The following CLASP1 variants were observed in gnomAD, a reference collection of about 807,000 sequenced individuals.
The protein encoded by CLASP1 is CLIP-associating protein 1.
Under a neutral mutation model 192.3 loss-of-function variants are expected in CLASP1, and 38 were observed. The ratio of observed to expected loss-of-function variants is 0.20; its 90% confidence interval spans 0.15 to 0.26. The LOEUF is 0.26. Among genes scored for constraint, CLASP1 ranks in the 10% least tolerant of loss-of-function variants. CLASP1 has a pLI of 1.00. For synonymous variants in CLASP1, 691 were observed against 712.8 expected (o/e 0.97, Z 0.49); for missense variants, 1,433 against 1,932.5 (o/e 0.74, Z 4.85).
At chr2:121,617,373 C>G (rs2066639634) in intron 1 of CLASP1, among the ~76,000 whole-genome samples, 1 of 152,182 alleles carries the variant, frequency 6.6e-6, no homozygotes, top group African/African-American at 2.4e-5. Flanking sequence ...AATCACTCAT[C>G]TTACAAAGGC....
At chr2:121,507,742 G>A (rs895590455) in intron 7 of CLASP1, among the ~76,000 whole-genome samples, 4 of 152,096 alleles carry the variant, frequency 2.6e-5, no homozygotes, top group Non-Finnish European at 5.9e-5. Flanking sequence ...TGTCACAAGA[G>A]AAGACAAAGA....
At chr2:121,407,033 T>A (rs2077019866) in intron 25 of CLASP1, among the ~76,000 whole-genome samples, 1 of 152,110 alleles carries the variant, frequency 6.6e-6, no homozygotes, top group Non-Finnish European at 1.5e-5. Flanking sequence ...TTGGCCAATA[T>A]GGTGAAACCC....
In CLASP1 at chr2:121,568,475, A is replaced by G. The variant is rs143121468; in HGVS notation, c.195+37226T>C. ...ACGAGCAAAAGAACAAATGAAACAA[A>G]CATTTCTTTAATAACCATAACCCAA... On this transcript the variant is annotated intron_variant, in intron 2 of 39. Transcript: ENST00000263710. Among the ~76,000 whole-genome samples the G allele has an allele frequency of 1.5e-3, 229 of 151,878 alleles. 1 individual carries two copies. Among genetic ancestry groups the G allele is most frequent in the Admixed American group, 0.014 (207 of 15,222 alleles).
chr2:121,605,898 T>C lies in CLASP1; in HGVS notation c.-3A>G, dbSNP rs746106700. Reference sequence around the variant, plus strand: ...CAGGACTCCATGCGAGGCTCCATAGTGGAATTCAAATCCAGATCCAGCAAA... The same window carrying C: ...CAGGACTCCATGCGAGGCTCCATAGCGGAATTCAAATCCAGATCCAGCAAA... On this transcript the variant is annotated 5_prime_UTR_variant, in exon 2 of 40. Coordinates refer to ENST00000263710, the Ensembl canonical transcript of CLASP1. 3.7e-5 allele frequency: 59 copies of C among 1,613,092 alleles called. No homozygotes were observed. The Middle Eastern group carries it at 6.6e-4, about 18-fold the overall frequency.
chr2:121,584,404 C>G (rs2061507928), intron 2 of CLASP1, among the ~76,000 whole-genome samples: 1 of 152,124 alleles, frequency 6.6e-6, no homozygotes, highest in South Asian at 2.1e-4. Context: ...CTTAAACAGT[C>G]AAATAGCTGC....
intron 9 of CLASP1, 27 bp from the exon 10 acceptor site, chr2:121,462,632 A>C (rs1217641219): frequency 2.3e-6 from 3 of 1,326,164 alleles, no homozygotes; most frequent in East Asian, 4.7e-5. Flanking sequence ...TAAAAATGTA[A>C]ACAATATGAA....
chr2:121,506,002 AG>A (rs1329941848), intron 7 of CLASP1, among the ~76,000 whole-genome samples: 4 of 152,218 alleles, frequency 2.6e-5, no homozygotes, highest in Admixed American at 1.3e-4. Context: ...CCAAACTTGG[AG>A]GACAGAAGAG....
At chr2:121,497,674 A>T (rs1212663595) in intron 8 of CLASP1, among the ~76,000 whole-genome samples, 1 of 152,150 alleles carries the variant, frequency 6.6e-6, no homozygotes, top group East Asian at 1.9e-4. Context: ...GTGCAGCCCA[A>T]AAAGCAGGAA....
chr2:121,599,916 CAA>C (rs749861641), intron 2 of CLASP1, among the ~76,000 whole-genome samples: 5,971 of 78,302 alleles, frequency 0.076, 94 homozygotes, highest in East Asian at 0.2. Flanking sequence ...GAGACTCTGT[CAA>C]AAAAAAAAAA....
At chr2:121,624,107 T>A (rs1275117842) in intron 1 of CLASP1, among the ~76,000 whole-genome samples, 1 of 152,172 alleles carries the variant, frequency 6.6e-6, no homozygotes, top group Admixed American at 6.5e-5. Flanking sequence ...GGTTTGATTT[T>A]CCCTACTTTT....
intron 2 of CLASP1, among the ~76,000 whole-genome samples, chr2:121,581,487 G>C (rs1403974541): frequency 1.3e-5 from 2 of 151,538 alleles, no homozygotes; most frequent in African/African-American, 4.9e-5. Context: ...TGTTAGCCAG[G>C]ATGGTCTCGA....
intron 2 of CLASP1, among the ~76,000 whole-genome samples, chr2:121,601,272 ATT>A (rs1049615967): frequency 2.7e-4 from 38 of 138,360 alleles, no homozygotes; most frequent in East Asian, 1.9e-3. Flanking sequence ...AGCGTTCAGC[ATT>A]TTTTTTTTTT....
chr2:121,453,685 G>C (rs1188379727), intron 14 of CLASP1, among the ~76,000 whole-genome samples: 1 of 152,134 alleles, frequency 6.6e-6, no homozygotes, highest in Admixed American at 6.5e-5. Context: ...CTTTCAAAAT[G>C]TAGCTCATTT....
chr2:121,457,063 T>C (rs181834624), intron 14 of CLASP1, among the ~76,000 whole-genome samples: 53 of 152,320 alleles, frequency 3.5e-4, no homozygotes, highest in Non-Finnish European at 6.0e-4. Flanking sequence ...CAGTCTTTAT[T>C]CCTCACACGT....
intron 25 of CLASP1, among the ~76,000 whole-genome samples, chr2:121,405,925 C>A (rs2076849928): frequency 1.3e-5 from 2 of 152,188 alleles, no homozygotes; most frequent in African/African-American, 4.8e-5. Flanking sequence ...AGCTGAGCAA[C>A]TCATCAGGCA....
At chr2:121,545,635 A>G (rs573172796) in intron 2 of CLASP1, among the ~76,000 whole-genome samples, 1 of 152,326 alleles carries the variant, frequency 6.6e-6, no homozygotes, top group South Asian at 2.1e-4. Flanking sequence ...CATTTCCTGC[A>G]GATGAAGTCA....
At chr2:121,436,414 CTT>C (rs753052497) in intron 19 of CLASP1, among the ~76,000 whole-genome samples, 17 of 133,960 alleles carry the variant, frequency 1.3e-4, no homozygotes, top group Non-Finnish European at 1.3e-4. Context: ...GCTTTAGTGT[CTT>C]TTTTTTTTTT....
exon 40 of CLASP1, chr2:121,340,918 C>A (rs747417346): frequency 1.2e-6 from 2 of 1,610,076 alleles, no homozygotes; most frequent in African/African-American, 2.7e-5. Flanking sequence ...TGGTCTGGGC[C>A]CTCTTTATGT....
At chr2:121,376,096 T>C (rs1338184481) in intron 34 of CLASP1, among the ~76,000 whole-genome samples, 2 of 152,206 alleles carry the variant, frequency 1.3e-5, no homozygotes, top group Non-Finnish European at 2.9e-5. Context: ...TACATTAGTA[T>C]AGCCATTATG....
Sources: allele counts gnomAD v4.1 joint callset (sites outside exome capture counted in the v4.1 genomes callset), GRCh38; gene constraint gnomAD v4.1.1; transcripts MANE v1.5; gene names NCBI Gene and HGNC (gene_info 2026-07-23, HGNC 2026-07-21).